The following AKAIN1 variants were observed in gnomAD, a reference collection of about 807,000 sequenced individuals.
The protein encoded by AKAIN1 is A-kinase anchor inhibitor 1.
AKAIN1 carries 3 observed loss-of-function variants against 3.7 expected under a neutral mutation model. That is an observed-to-expected ratio of 0.82 (90% CI 0.37 to 2.12). The LOEUF is 2.12. Ranked by LOEUF, AKAIN1 falls within the 30% of genes most tolerant of loss-of-function variation. The probability of loss-of-function intolerance (pLI) is 0.06; values close to 1 mark genes in which losing one functional copy is unlikely to be tolerated. For synonymous variants in AKAIN1, 31 were observed against 30.8 expected, an observed-to-expected ratio of 1.01 and a Z score of -0.02; for missense variants, 82 against 82.7, an observed-to-expected ratio of 0.99 and a Z score of 0.03.
intron 1 of AKAIN1, among the ~76,000 whole-genome samples, chr18:5,176,884 C>T (rs2071229736): frequency 6.6e-6 from 1 of 151,942 alleles, no homozygotes; most frequent in Admixed American, 6.6e-5. Context: ...AACTAATTCC[C>T]TTAAAATTCT....
chr18:5,177,027 C>T (rs8087740), intron 1 of AKAIN1, among the ~76,000 whole-genome samples: 3,120 of 152,176 alleles, frequency 0.021, 105 homozygotes, highest in African/African-American at 0.071. Context: ...TCCCAAAGGC[C>T]AGTACCCAAT....
At position 5,144,487 on chromosome 18, in the gene AKAIN1, AT is replaced by A. The variant is rs1297042378; in HGVS notation, c.*1074del. On this transcript the variant is annotated 3_prime_UTR_variant, in exon 2 of 2. Transcript: ENST00000434239. ...ATCCTGTTGCTGCACAGATAACTTT[AT>A]TACACGTGTACACACACATATCTCT... Among the ~76,000 whole-genome samples the A allele has an allele frequency of 1.3e-5, 2 of 152,178 alleles. No homozygotes were observed. The highest frequency in any genetic ancestry group is 4.8e-5 in the African/African-American group (2 of 41,436).
rs558201935 is a variant in AKAIN1 at position 5,143,426 on chromosome 18, G to A, written c.*2136C>T. Among the ~76,000 whole-genome samples the A allele has an allele frequency of 1.3e-5, 2 of 152,220 alleles. No homozygotes were observed. Among genetic ancestry groups the A allele is most frequent in the African/African-American group, 4.8e-5 (2 of 41,542 alleles). On this transcript the variant is annotated 3_prime_UTR_variant, in exon 2 of 2. Coordinates refer to ENST00000434239, the MANE Select transcript of AKAIN1 (RefSeq NM_001145194.2). The stretch of plus-strand genomic sequence containing the variant: ...ATTATGGCAGACACTCTACCTTCCA[G>A]ACCCACTTACCTTGAATTTTTTAGA...
At chr18:5,172,440 G>A (rs938653429) in intron 1 of AKAIN1, among the ~76,000 whole-genome samples, 6 of 151,710 alleles carry the variant, frequency 4.0e-5, no homozygotes, top group East Asian at 1.9e-4. Flanking sequence ...TGCTATGTAC[G>A]CACAAAAATT....
chr18:5,152,406 T>C (rs1430724826), intron 1 of AKAIN1, among the ~76,000 whole-genome samples: 3 of 152,172 alleles, frequency 2.0e-5, no homozygotes, highest in African/African-American at 7.2e-5. Context: ...CCTGCACTCT[T>C]TGACCAATCA....
intron 1 of AKAIN1, 125 bp from the exon 2 acceptor site, chr18:5,145,880 G>C: frequency 1.3e-6 from 1 of 776,192 alleles, no homozygotes; most frequent in Non-Finnish European, 2.1e-6. Flanking sequence ...GAGTGGACCA[G>C]TTAACTATGA....
intron 1 of AKAIN1, among the ~76,000 whole-genome samples, chr18:5,185,778 G>A (rs1455785080): frequency 6.6e-6 from 1 of 152,082 alleles, no homozygotes; most frequent in Non-Finnish European, 1.5e-5. Context: ...GTGGAAAGCA[G>A]TTTGGTGATT....
At chr18:5,197,461 C>A, upstream of AKAIN1, 2 of 1,149,108 alleles carry the variant, frequency 1.7e-6, no homozygotes, top group African/African-American at 1.7e-5. The surrounding 1 kb of genome is among the most constrained non-coding windows in gnomAD (Gnocchi z 6.9). Flanking sequence ...CCTGCTGTGG[C>A]TCGTCGCCGT....
chr18:5,148,458 T>A (rs1179442123), intron 1 of AKAIN1, among the ~76,000 whole-genome samples: 2 of 152,160 alleles, frequency 1.3e-5, no homozygotes, highest in Non-Finnish European at 2.9e-5. Context: ...CAAACATCAC[T>A]CTTCTGACAT....
chr18:5,190,629 A>T (rs1388897648), intron 1 of AKAIN1, among the ~76,000 whole-genome samples: 1 of 152,154 alleles, frequency 6.6e-6, no homozygotes, highest in Non-Finnish European at 1.5e-5. Context: ...TACTATAATA[A>T]AAATATCATA....
chr18:5,180,648 G>A lies in AKAIN1; in HGVS notation c.16+16390C>T, dbSNP rs535692504. Reference sequence around the variant, plus strand: ...AATAATCTACTCTGAAGCATGAGTCGGATTGCAATTAAGGCTGTAGGGAAC... The same window carrying A: ...AATAATCTACTCTGAAGCATGAGTCAGATTGCAATTAAGGCTGTAGGGAAC... On this transcript the variant is annotated intron_variant, in intron 1 of 1. Coordinates refer to ENST00000434239, the MANE Select transcript of AKAIN1 (RefSeq NM_001145194.2). Among the ~76,000 whole-genome samples, 30 of 152,184 alleles carry A rather than the reference G, an allele frequency of 2.0e-4. 1 individual carries two copies. The highest frequency in any genetic ancestry group is 1.6e-3 in the Admixed American group (25 of 15,274).
chr18:5,167,892 T>A (rs2071175771), intron 1 of AKAIN1, among the ~76,000 whole-genome samples: 1 of 152,110 alleles, frequency 6.6e-6, no homozygotes, highest in Non-Finnish European at 1.5e-5. Flanking sequence ...GAATACTTCC[T>A]CTGTTCCTGA....
intron 1 of AKAIN1, among the ~76,000 whole-genome samples, chr18:5,173,118 A>G (rs931179864): frequency 5.3e-5 from 8 of 152,206 alleles, no homozygotes; most frequent in African/African-American, 1.9e-4. Flanking sequence ...GGCCATGAAA[A>G]TGCTCAGATT....
intron 1 of AKAIN1, among the ~76,000 whole-genome samples, chr18:5,172,285 A>G (rs1228898142): frequency 6.6e-6 from 1 of 152,146 alleles, no homozygotes; most frequent in Non-Finnish European, 1.5e-5. Context: ...ATTTAGTTGT[A>G]CATTTTAAAA....
At chr18:5,162,021 C>T (rs1359732863) in intron 1 of AKAIN1, among the ~76,000 whole-genome samples, 3 of 152,064 alleles carry the variant, frequency 2.0e-5, no homozygotes, top group African/African-American at 7.2e-5. Context: ...AGACCAAAAA[C>T]AATTGATACT....
intron 1 of AKAIN1, among the ~76,000 whole-genome samples, chr18:5,186,665 G>A (rs2071289307): frequency 6.6e-6 from 1 of 152,028 alleles, no homozygotes; most frequent in Admixed American, 6.6e-5. Flanking sequence ...ATATAAAAGA[G>A]GTAAACAACA....
intron 1 of AKAIN1, among the ~76,000 whole-genome samples, chr18:5,195,574 T>G (rs7239242): frequency 0.68 from 102,669 of 151,956 alleles, 35,548 homozygotes; most frequent in South Asian, 0.79. Flanking sequence ...AAGACAGAAT[T>G]CGAGGTCAGA....
intron 1 of AKAIN1, among the ~76,000 whole-genome samples, chr18:5,187,550 C>T (rs535991508): frequency 6.6e-6 from 1 of 152,222 alleles, no homozygotes; most frequent in East Asian, 1.9e-4. Context: ...CAAACTTATT[C>T]TTTTGTCAGG....
At chr18:5,192,451 C>CT (rs55670928) in intron 1 of AKAIN1, among the ~76,000 whole-genome samples, 24 of 27,082 alleles carry the variant, frequency 8.9e-4, no homozygotes, top group Non-Finnish European at 2.3e-3. Context: ...CTTTCTTTTT[C>CT]TTTTCTTTGG....
Sources: gnomAD v4.1 joint callset for allele counts (sites outside exome capture counted in the v4.1 genomes callset) on GRCh38, gnomAD v4.1.1 for gene constraint, Gnocchi (gnomAD v3.1) non-coding constraint, MANE v1.5 for transcripts, NCBI Gene and HGNC (gene_info 2026-07-23, HGNC 2026-07-21) for gene names.